Variants in KLHL24 observed in about 807,000 individuals in gnomAD.
KLHL24 encodes the protein kelch-like protein 24.
KLHL24 carries 29 observed loss-of-function variants against 53.4 expected under a neutral mutation model. The observed-to-expected ratio is 0.54, with a 90% confidence interval of 0.40 to 0.74. KLHL24 has a LOEUF of 0.74. KLHL24 is among the 30% of genes least tolerant of loss of function. KLHL24 has a pLI of 0.00. For missense variants in KLHL24, 504 were observed against 744.0 expected, an observed-to-expected ratio of 0.68 and a Z score of 3.75; for synonymous variants, 222 against 253.7, an observed-to-expected ratio of 0.88 and a Z score of 1.19.
chr3:183,669,087 C>T (rs1720977532), intron 5 of KLHL24, among the ~76,000 whole-genome samples: 1 of 152,140 alleles, frequency 6.6e-6, no homozygotes, highest in Non-Finnish European at 1.5e-5. Flanking sequence ...TCTTGATGCT[C>T]ATGGCATGTA....
chr3:183,651,669 T>G (rs1425706256), intron 3 of KLHL24, among the ~76,000 whole-genome samples: 1 of 152,138 alleles, frequency 6.6e-6, no homozygotes, highest in East Asian at 1.9e-4. Context: ...AAAAAACAAT[T>G]TGCTCCTGGG....
chr3:183,656,037 C>CTTTTTTTTTTTTTTT (rs760140064), intron 3 of KLHL24, among the ~76,000 whole-genome samples: 3 of 90,906 alleles, frequency 3.3e-5, no homozygotes, highest in African/African-American at 4.9e-5. Flanking sequence ...CCCTTAGCAT[C>CTTTTTTTTTTTTTTT]TTTTTTTTTT....
At chr3:183,669,590 A>G (rs1361174064) in intron 5 of KLHL24, among the ~76,000 whole-genome samples, 1 of 152,210 alleles carries the variant, frequency 6.6e-6, no homozygotes, top group Non-Finnish European at 1.5e-5. Flanking sequence ...TAATGTGAGA[A>G]ATGCATGATA....
chr3:183,654,534 T>C (rs1718586036), intron 3 of KLHL24, among the ~76,000 whole-genome samples: 2 of 152,118 alleles, frequency 1.3e-5, no homozygotes, highest in South Asian at 4.1e-4. Context: ...TTTAGTTGAC[T>C]GTGCATCTTT....
intron 5 of KLHL24, among the ~76,000 whole-genome samples, chr3:183,666,906 A>G (rs1720642984): frequency 6.6e-6 from 1 of 152,054 alleles, no homozygotes; most frequent in African/African-American, 2.4e-5. Flanking sequence ...TTAATGAACA[A>G]CTAAAAGCAG....
In KLHL24 at chr3:183,663,380, G is replaced by A; in HGVS notation, c.921-78G>A. The A allele has an allele frequency of 1.3e-6, 1 of 779,276 alleles. No individual in the cohort carries two copies. The highest frequency in any genetic ancestry group is 1.8e-6 in the Non-Finnish European group (1 of 543,596). The allele number at this position is 779,276 out of a possible 1,614,324, so 48.3% of individuals were successfully genotyped here. ...TAATAGTGCGTGGTTTGTTTTTAGA[G>A]TTTTAAGAAAAAATCTGGAGTATAT... On this transcript the variant is annotated intron_variant, in intron 3 of 7. Coordinates refer to ENST00000242810, the MANE Select transcript of KLHL24 (RefSeq NM_017644.3). The surrounding 1 kb of genome is among the most constrained non-coding windows in gnomAD (Gnocchi z 4.9).
chr3:183,659,269 A>G (rs937674064), intron 3 of KLHL24, among the ~76,000 whole-genome samples: 2 of 152,170 alleles, frequency 1.3e-5, no homozygotes, highest in Non-Finnish European at 2.9e-5. Context: ...ACAGTGGCTC[A>G]CACCTACCTG....
At chr3:183,662,431 T>C (rs1424505154) in intron 3 of KLHL24, among the ~76,000 whole-genome samples, 1 of 152,184 alleles carries the variant, frequency 6.6e-6, no homozygotes, top group Non-Finnish European at 1.5e-5. Context: ...GAAGGATTGT[T>C]GGCATTTTTC....
chr3:183,671,404 T>C lies in KLHL24; in HGVS notation c.1413+182T>C, dbSNP rs532202448. On this transcript the variant is annotated intron_variant, in intron 6 of 7. Coordinates refer to ENST00000242810, the MANE Select transcript of KLHL24 (RefSeq NM_017644.3). ...TGCTAAAGTGAGACTCTAGTATATCTAACAATTTGCTCTAACAAATGTGAT... is the reference window on the plus strand; with the variant it reads ...TGCTAAAGTGAGACTCTAGTATATCCAACAATTTGCTCTAACAAATGTGAT... Among the ~76,000 whole-genome samples, 5 of 152,326 alleles carry C rather than the reference T, an allele frequency of 3.3e-5. No homozygotes were observed. The South Asian group carries it at 1.0e-3, about 32-fold the overall frequency.
At chr3:183,638,973 G>T (rs191995115) in intron 1 of KLHL24, among the ~76,000 whole-genome samples, 33 of 152,146 alleles carry the variant, frequency 2.2e-4, no homozygotes, top group African/African-American at 8.0e-4. Context: ...GGCTGAGGCG[G>T]GTGGATCACC....
Position 183,683,351 on chromosome 3 carries a change from A to G in KLHL24, c.*4065A>G, listed in dbSNP as rs1466178793. On this transcript the variant is annotated 3_prime_UTR_variant, in exon 8 of 8. Transcript: ENST00000242810. Reference sequence around the variant, plus strand: ...AAACTCAAGACACCAGTTAACCTCAACAGAGTTTTGGCCTTATTAGAATTT... The same window carrying G: ...AAACTCAAGACACCAGTTAACCTCAGCAGAGTTTTGGCCTTATTAGAATTT... 1 of 152,632 alleles carries G rather than the reference A, an allele frequency of 6.6e-6. No homozygotes were observed. The highest frequency in any genetic ancestry group is 1.5e-5 in the Non-Finnish European group (1 of 68,040). The allele number at this position is 152,632 out of a possible 1,614,324, so 9.5% of individuals were successfully genotyped here.
intron 5 of KLHL24, among the ~76,000 whole-genome samples, chr3:183,667,228 G>A (rs1383338002): frequency 6.6e-6 from 1 of 152,152 alleles, no homozygotes; most frequent in Non-Finnish European, 1.5e-5. Flanking sequence ...GACCATCCTG[G>A]CCAACATGGT....
At position 183,660,101 on chromosome 3, in the gene KLHL24, T is replaced by C. The variant is rs150990722; in HGVS notation, c.921-3357T>C. Among the ~76,000 whole-genome samples, 69 of 150,990 alleles carry C rather than the reference T, an allele frequency of 4.6e-4. No individual in the cohort carries two copies. The East Asian group carries it at 0.013, about 28-fold the overall frequency. Reference sequence around the variant, plus strand: ...TTAGCAAATTTTCAGCTCGAAGAGGTAACATTGTAAACCTTTGGCGTTTTT... The same window carrying C: ...TTAGCAAATTTTCAGCTCGAAGAGGCAACATTGTAAACCTTTGGCGTTTTT... On this transcript the variant is annotated intron_variant, in intron 3 of 7. Transcript: ENST00000242810.
chr3:183,639,220 A>G (rs1001187336), intron 1 of KLHL24, among the ~76,000 whole-genome samples: 2 of 151,890 alleles, frequency 1.3e-5, no homozygotes, highest in Non-Finnish European at 2.9e-5. Flanking sequence ...AGTGGGCTTT[A>G]CTCTTAACTG....
chr3:183,662,142 G>T (rs544075162), intron 3 of KLHL24, among the ~76,000 whole-genome samples: 1 of 152,156 alleles, frequency 6.6e-6, no homozygotes, highest in African/African-American at 2.4e-5. Flanking sequence ...TAATTTCCTG[G>T]ATTCCTAAAA....
intron 1 of KLHL24, among the ~76,000 whole-genome samples, chr3:183,639,657 C>T (rs1382741487): frequency 2.3e-5 from 3 of 132,604 alleles, no homozygotes; most frequent in African/African-American, 6.0e-5. Flanking sequence ...AAAAAAATCT[C>T]AAATTTGTTC....
chr3:183,637,994 C>G (rs545049547), intron 1 of KLHL24, among the ~76,000 whole-genome samples: 2 of 152,274 alleles, frequency 1.3e-5, no homozygotes, highest in African/African-American at 4.8e-5. Context: ...AGTTTGAGCT[C>G]CCCTGGATGA....
chr3:183,684,143 C>A lies in KLHL24; in HGVS notation c.*4857C>A, dbSNP rs11542855. Reference sequence around the variant, plus strand: ...TTCCCTCTTCAGGCTTTTTCATTTACCTTTTTGAAAAAGCACTTACTCTCC... The same window carrying A: ...TTCCCTCTTCAGGCTTTTTCATTTAACTTTTTGAAAAAGCACTTACTCTCC... On this transcript the variant is annotated 3_prime_UTR_variant, in exon 8 of 8. Transcript: ENST00000242810. 60,887 of 151,588 alleles carry A rather than the reference C, an allele frequency of 0.4. 15,374 individuals carry two copies. The highest frequency in any genetic ancestry group is 0.72 in the African/African-American group (29,869 of 41,204). 9.4% of individuals were successfully genotyped at this position (151,588 alleles called of 1,614,324 possible).
chr3:183,678,094 G>A (rs547422844), intron 7 of KLHL24, among the ~76,000 whole-genome samples: 23 of 152,126 alleles, frequency 1.5e-4, no homozygotes, highest in Middle Eastern at 3.4e-3. Context: ...TGCCCAGCCA[G>A]GTTTTGTTTT....
Sources: allele counts gnomAD v4.1 joint callset (sites outside exome capture counted in the v4.1 genomes callset), GRCh38; gene constraint gnomAD v4.1.1; non-coding constraint Gnocchi (gnomAD v3.1); transcripts MANE v1.5; gene names NCBI Gene and HGNC (gene_info 2026-07-23, HGNC 2026-07-21).